ARHGAP31: variants seen among roughly 807,000 people sequenced by gnomAD.
ARHGAP31 encodes the protein rho GTPase-activating protein 31.
In ARHGAP31, 34 loss-of-function variants were observed where a neutral mutation model predicts 113.9. That is an observed-to-expected ratio of 0.30 (90% confidence interval 0.23 to 0.40). The LOEUF (loss-of-function observed/expected upper bound fraction) is 0.40. ARHGAP31 is among the 10% of genes least tolerant of loss of function. The pLI, the probability that ARHGAP31 is intolerant of heterozygous loss-of-function variation, is 1.00. For missense variants in ARHGAP31, 1,548 were observed against 1,767.1 expected (o/e 0.88, Z 2.22); for synonymous variants, 650 against 684.8 (o/e 0.95, Z 0.79).
intron 1 of ARHGAP31, among the ~76,000 whole-genome samples, chr3:119,344,554 C>G (rs1261768708): frequency 6.6e-6 from 1 of 152,226 alleles, no homozygotes; most frequent in Non-Finnish European, 1.5e-5. Flanking sequence ...ATTAAAATAA[C>G]AATAGCAATT....
chr3:119,320,450 G>C (rs1359498977), intron 1 of ARHGAP31, among the ~76,000 whole-genome samples: 1 of 152,122 alleles, frequency 6.6e-6, no homozygotes, highest in Admixed American at 6.5e-5. Flanking sequence ...ACAACCTTGG[G>C]CCAAATGTGA....
intron 1 of ARHGAP31, among the ~76,000 whole-genome samples, chr3:119,334,219 G>T (rs1286615026): frequency 6.6e-6 from 1 of 151,946 alleles, no homozygotes. Flanking sequence ...CTCATCTCCT[G>T]TTTGGCTTGC....
At position 119,420,575 on chromosome 3, in the gene ARHGAP31, G is replaced by A. The variant is rs1054630438; in HGVS notation, c.*4311G>A. On this transcript the variant is annotated 3_prime_UTR_variant, in exon 12 of 12. Transcript: ENST00000264245. ...GAGATTACTTTTCTGTGAGGGTAAG[G>A]GGGACGTAGCTAAATATAAGAAGCT... 1.3e-5 allele frequency: 2 copies of A among 152,126 alleles called. No individual in the cohort carries two copies. The highest frequency in any genetic ancestry group is 2.9e-5 in the Non-Finnish European group (2 of 68,028). 9.4% of individuals were successfully genotyped at this position (152,126 alleles called of 1,614,324 possible). A position where few individuals can be genotyped will look rare whatever the true frequency, so the allele number is the denominator to read the frequency against.
At chr3:119,392,874 G>A (rs1309534775) in intron 7 of ARHGAP31, among the ~76,000 whole-genome samples, 1 of 152,192 alleles carries the variant, frequency 6.6e-6, no homozygotes, top group East Asian at 1.9e-4. Flanking sequence ...GCCTGTGGAT[G>A]TCCCAGCAGT....
intron 1 of ARHGAP31, among the ~76,000 whole-genome samples, chr3:119,357,620 TAATAAAACAATCG>T (rs2080169693): frequency 6.6e-6 from 1 of 152,306 alleles, no homozygotes; most frequent in African/African-American, 2.4e-5. Flanking sequence ...AGTGAAATAA[TAATAAAACAATCG>T]CTTTGAATCC....
chr3:119,330,051 A>G (rs1163343713), intron 1 of ARHGAP31: 2 of 954,446 alleles, frequency 2.1e-6, no homozygotes, highest in Admixed American at 1.2e-4. Flanking sequence ...CTAGTGTGGT[A>G]GATATTTCCA....
Position 119,415,610 on chromosome 3 carries a change from G to C in ARHGAP31, c.3681G>C (p.Gln1227His). 1 of 1,614,162 alleles carries C rather than the reference G, an allele frequency of 6.2e-7. No homozygotes were observed. ...PSQSSGENGVQPLERSQEGPS... is the reference protein window; with the variant it reads ...PSQSSGENGVHPLERSQEGPS... ...AGAGCTCAGGGGAGAATGGGGTTCA[G>C]CCTCTGGAGAGGAGCCAGGAGGGAC... The change falls in exon 12 of 12, where the codon CAG (glutamine) becomes CAC (histidine). Residue 1227 changes from glutamine to histidine, a missense_variant. Transcript: ENST00000264245.
At chr3:119,305,940 G>C (rs903591176) in intron 1 of ARHGAP31, among the ~76,000 whole-genome samples, 2 of 152,148 alleles carry the variant, frequency 1.3e-5, no homozygotes, top group Non-Finnish European at 2.9e-5. Flanking sequence ...TCCTAAGCCT[G>C]ACTTCCAAAT....
At chr3:119,386,663 C>T (rs892626327) in intron 6 of ARHGAP31, among the ~76,000 whole-genome samples, 5 of 152,196 alleles carry the variant, frequency 3.3e-5, no homozygotes, top group Non-Finnish European at 7.4e-5. Flanking sequence ...GGACCACTAC[C>T]ACCAATGTGC....
At chr3:119,359,525 A>G (rs1353119843) in intron 1 of ARHGAP31, among the ~76,000 whole-genome samples, 3 of 151,982 alleles carry the variant, frequency 2.0e-5, no homozygotes, top group Non-Finnish European at 4.4e-5. Context: ...TTAATTCCAC[A>G]TGAAGCCAGG....
chr3:119,390,359 C>T (rs2080492615), intron 6 of ARHGAP31, among the ~76,000 whole-genome samples: 2 of 152,214 alleles, frequency 1.3e-5, no homozygotes, highest in African/African-American at 4.8e-5. Flanking sequence ...GAGAGGCAGC[C>T]TCCTGCCCTA....
intron 1 of ARHGAP31, chr3:119,324,942 GA>G: frequency 2.2e-6 from 1 of 456,712 alleles, no homozygotes; most frequent in Non-Finnish European, 4.4e-6. Context: ...CTTAAAAGGT[GA>G]AAATGTGTCA....
In ARHGAP31 at chr3:119,415,896, T is replaced by G; in HGVS notation, c.3967T>G (p.Ser1323Ala). Reference sequence around the variant, plus strand: ...AGAGCCATCTGGGGACAACCTTCTTTCTTCAAAACTAGAGCGACCATCTGG... The same window carrying G: ...AGAGCCATCTGGGGACAACCTTCTTGCTTCAAAACTAGAGCGACCATCTGG... The part of the protein sequence containing the change: ...ETEPSGDNLL[S>A]SKLERPSGGS... The change falls in exon 12 of 12, where the codon TCT becomes GCT. Residue 1323 changes from serine (S) to alanine (A), a missense_variant. Ser to Ala is a moderately conservative substitution (Grantham distance 99). Coordinates refer to ENST00000264245, the MANE Select transcript of ARHGAP31 (RefSeq NM_020754.4). 34 of 1,614,140 alleles carry G rather than the reference T, an allele frequency of 2.1e-5. No individual in the cohort carries two copies. Among genetic ancestry groups the G allele is most frequent in the Non-Finnish European group, 2.9e-5 (34 of 1,180,028 alleles).
chr3:119,295,109 C>T (rs2079521511), intron 1 of ARHGAP31, 105 bp downstream of exon 1: 1 of 1,062,194 alleles, frequency 9.4e-7, no homozygotes, highest in African/African-American at 1.6e-5. Context: ...TTAATGTATT[C>T]CAGGCCTGTG....
At chr3:119,376,665 C>A (rs140652980) in intron 3 of ARHGAP31, among the ~76,000 whole-genome samples, 92 of 151,858 alleles carry the variant, frequency 6.1e-4, no homozygotes, top group Middle Eastern at 3.4e-3. Flanking sequence ...ATCCTATCTA[C>A]AACAGGAGTC....
chr3:119,317,044 G>T (rs951210616), intron 1 of ARHGAP31, among the ~76,000 whole-genome samples: 1 of 152,108 alleles, frequency 6.6e-6, no homozygotes, highest in Admixed American at 6.5e-5. Context: ...TTTGTTTTGC[G>T]TAAGACATTT....
At chr3:119,321,079 A>G (rs923366502) in intron 1 of ARHGAP31, among the ~76,000 whole-genome samples, 10 of 152,198 alleles carry the variant, frequency 6.6e-5, no homozygotes, top group African/African-American at 2.4e-4. Context: ...CCCAGTCTCC[A>G]GTATGTCTTT....
intron 1 of ARHGAP31, among the ~76,000 whole-genome samples, chr3:119,310,702 G>A (rs1380482430): frequency 2.0e-5 from 3 of 152,146 alleles, no homozygotes; most frequent in Non-Finnish European, 2.9e-5. Flanking sequence ...TGTCTTCCAC[G>A]AAACTGGTCC....
At chr3:119,317,369 G>A (rs190433011) in intron 1 of ARHGAP31, among the ~76,000 whole-genome samples, 15 of 152,058 alleles carry the variant, frequency 9.9e-5, no homozygotes, top group Middle Eastern at 3.4e-3. Flanking sequence ...TAGTAGAGAC[G>A]GGGTTTCACC....
Sources: allele counts gnomAD v4.1 joint callset (sites outside exome capture counted in the v4.1 genomes callset), GRCh38; gene constraint gnomAD v4.1.1; transcripts MANE v1.5; gene names NCBI Gene and HGNC (gene_info 2026-07-23, HGNC 2026-07-21).